Variants in SCN10A observed in about 807,000 individuals in gnomAD.
The protein encoded by SCN10A is sodium channel protein type 10 subunit alpha.
A neutral mutation model predicts 170.7 loss-of-function variants in SCN10A; 162 were observed. The ratio of observed to expected loss-of-function variants is 0.95; its 90% CI spans 0.84 to 1.08. SCN10A has a LOEUF of 1.08. Among genes scored for constraint, SCN10A ranks in the 50% least tolerant of loss-of-function variants. The pLI is 0.00. For synonymous variants in SCN10A, 985 were observed against 904.6 expected (o/e 1.09, Z -1.59); for missense variants, 2,527 against 2,436.9 (o/e 1.04, Z -0.78).
chr3:38,700,388 C>A (rs922877734), intron 27 of SCN10A, among the ~76,000 whole-genome samples: 3 of 152,118 alleles, frequency 2.0e-5, no homozygotes, highest in Admixed American at 1.3e-4. Context: ...CTATAGTTAG[C>A]AATACCGTGT....
At chr3:38,718,546 T>C in intron 21 of SCN10A, 107 bp downstream of exon 21, 1 of 1,169,232 alleles carries the variant, frequency 8.6e-7, no homozygotes, top group Non-Finnish European at 1.2e-6. Flanking sequence ...AACTTTTCTT[T>C]GGAGTAGCCC....
In SCN10A at chr3:38,793,608, T is replaced by A. The variant is rs79414348; in HGVS notation, c.270+133A>T. Reference sequence around the variant, plus strand: ...ATAAGTTAGAGATATATATATATATTTTTTTTGGTTGTTAACGGAATCTTT... The same window carrying A: ...ATAAGTTAGAGATATATATATATATATTTTTTGGTTGTTAACGGAATCTTT... On this transcript the variant is annotated intron_variant, in intron 2 of 27. Transcript: ENST00000449082. The A allele has an allele frequency of 0.018, 12,821 of 724,342 alleles. 361 individuals are homozygous for A. The highest frequency in any genetic ancestry group is 0.11 in the African/African-American group (6,374 of 56,688). 44.9% of individuals were successfully genotyped at this position (724,342 alleles called of 1,614,324 possible). A position where few individuals can be genotyped will look rare whatever the true frequency, so the allele number is the denominator to read the frequency against.
intron 27 of SCN10A, among the ~76,000 whole-genome samples, chr3:38,700,997 G>C (rs889440787): frequency 6.6e-6 from 1 of 152,166 alleles, no homozygotes; most frequent in Non-Finnish European, 1.5e-5. Flanking sequence ...TCTAAACTCA[G>C]CTTCAACCCT....
At chr3:38,729,737 CAACT>C (rs1413177889) in intron 15 of SCN10A, among the ~76,000 whole-genome samples, 2 of 152,198 alleles carry the variant, frequency 1.3e-5, no homozygotes, top group African/African-American at 4.8e-5. Flanking sequence ...AATCTGAGCT[CAACT>C]GTCAGTCTGT....
At chr3:38,815,749 G>A (rs932424568) in intron 1 of SCN10A, among the ~76,000 whole-genome samples, 2 of 152,178 alleles carry the variant, frequency 1.3e-5, no homozygotes, top group East Asian at 3.8e-4. Context: ...TCTTTGAAGA[G>A]TATAAACTTG....
chr3:38,748,876 T>A (rs576018668), intron 13 of SCN10A, among the ~76,000 whole-genome samples: 34 of 152,342 alleles, frequency 2.2e-4, no homozygotes, highest in African/African-American at 7.9e-4. Flanking sequence ...CGGAAGTCTA[T>A]CCTACCCCAA....
chr3:38,743,989 G>A (rs973906460), intron 13 of SCN10A, among the ~76,000 whole-genome samples: 2 of 152,012 alleles, frequency 1.3e-5, no homozygotes, highest in African/African-American at 4.8e-5. Context: ...AAATTCCTCG[G>A]CAAGACATGC....
intron 27 of SCN10A, among the ~76,000 whole-genome samples, chr3:38,699,641 T>C (rs1288156655): frequency 6.6e-6 from 1 of 152,230 alleles, no homozygotes; most frequent in East Asian, 1.9e-4. Context: ...ATAAAATCTT[T>C]GTGGAAGACC....
At chr3:38,717,618 A>G (rs372090047) in intron 21 of SCN10A, among the ~76,000 whole-genome samples, 5 of 152,338 alleles carry the variant, frequency 3.3e-5, no homozygotes, top group African/African-American at 1.2e-4. Context: ...CCTGCTATGG[A>G]GGACCTGCCA....
chr3:38,707,164 A>T (rs1220549267), intron 26 of SCN10A, 115 bp downstream of exon 26: 1 of 1,127,358 alleles, frequency 8.9e-7, no homozygotes, highest in Non-Finnish European at 1.3e-6. Flanking sequence ...CCCAACGTCA[A>T]CCCAGATCTT....
chr3:38,710,740 G>A (rs535998323), intron 24 of SCN10A, 104 bp downstream of exon 24: 32 of 1,105,882 alleles, frequency 2.9e-5, no homozygotes, highest in African/African-American at 1.5e-4. Flanking sequence ...CTGGGTGATC[G>A]CCTCTTCCAG....
intron 15 of SCN10A, among the ~76,000 whole-genome samples, chr3:38,729,753 A>T (rs2063496154): frequency 1.3e-5 from 2 of 152,264 alleles, no homozygotes; most frequent in Non-Finnish European, 2.9e-5. Flanking sequence ...TCAGTCTGTC[A>T]GTCAAGGTGT....
At chr3:38,745,111 G>C (rs1234316073) in intron 13 of SCN10A, among the ~76,000 whole-genome samples, 2 of 152,330 alleles carry the variant, frequency 1.3e-5, no homozygotes, top group Admixed American at 1.3e-4. Flanking sequence ...GCAGGAAGCA[G>C]CCACCTGTGA....
Position 38,697,537 on chromosome 3 carries a change from C to T in SCN10A, c.5683G>A (p.Val1895Ile). The change falls in exon 28 of 28, where the codon GTT becomes ATT. Residue 1895 changes from valine (V) to isoleucine (I), a missense_variant. Coordinates refer to ENST00000449082, the MANE Select transcript of SCN10A (RefSeq NM_006514.4). The stretch of plus-strand genomic sequence containing the variant: ...CAATTTTCATTTGCTGTGAATGCAA[C>T]AAAACCTTCATCTGGGAGTGATGCA... ...EAASLPDEGF[V>I]AFTANENCVL... The T allele has an allele frequency of 6.2e-7, 1 of 1,614,174 alleles. No homozygotes were observed. Among genetic ancestry groups the T allele is most frequent in the African/African-American group, 1.3e-5 (1 of 75,034 alleles).
intron 1 of SCN10A, 74 bp from the exon 2 acceptor site, chr3:38,794,116 T>C: frequency 1.9e-6 from 2 of 1,062,916 alleles, no homozygotes; most frequent in Non-Finnish European, 2.8e-6. Context: ...CTGTCCCATC[T>C]TGATTGTCAG....
rs1245180167 is a variant in SCN10A, at chr3:38,739,627, T to C, written c.2168A>G (p.Tyr723Cys). 1 of 1,613,892 alleles carries C rather than the reference T, an allele frequency of 6.2e-7. No homozygotes were observed. The highest frequency in any genetic ancestry group is 1.3e-5 in the African/African-American group (1 of 74,892). ...VFKIIAFDPY[Y>C]YFQKKWNIFD... is the part of the protein sequence containing the mutation. ...GATATTCCACTTCTTCTGGAAATAA[T>C]AGTATGGGTCGAAGGCAATGATTTT... Residue 723 changes from tyrosine (Y) to cysteine (C), a missense_variant, in exon 15 of 28, where the codon TAT becomes TGT. Coordinates refer to ENST00000449082, the MANE Select transcript of SCN10A (RefSeq NM_006514.4).
At chr3:38,707,681 A>C (rs1238550218) in intron 25 of SCN10A, among the ~76,000 whole-genome samples, 1 of 152,186 alleles carries the variant, frequency 6.6e-6, no homozygotes, top group Admixed American at 6.5e-5. Context: ...GAGAAGGTAC[A>C]TGTTGGTTCA....
intron 1 of SCN10A, among the ~76,000 whole-genome samples, chr3:38,810,078 T>C (rs1274562972): frequency 2.0e-5 from 3 of 152,180 alleles, no homozygotes; most frequent in South Asian, 2.1e-4. Flanking sequence ...ACTGGGAACT[T>C]GGTTGAACAC....
chr3:38,791,578 G>A (rs2064281805), intron 3 of SCN10A, among the ~76,000 whole-genome samples: 1 of 152,148 alleles, frequency 6.6e-6, no homozygotes, highest in African/African-American at 2.4e-5. Flanking sequence ...TGCCCTCTGG[G>A]AGGTGCTGCT....
Sources: allele counts gnomAD v4.1 joint callset (sites outside exome capture counted in the v4.1 genomes callset), GRCh38; gene constraint gnomAD v4.1.1; transcripts MANE v1.5; gene names NCBI Gene and HGNC (gene_info 2026-07-23, HGNC 2026-07-21).